LRRC4C: variants seen among roughly 807,000 people sequenced by gnomAD.
LRRC4C encodes leucine-rich repeat-containing protein 4C.
LRRC4C carries 5 observed loss-of-function variants against 33.6 expected under a neutral mutation model. That is an observed-to-expected ratio of 0.15 (90% CI 0.08 to 0.31). LRRC4C has a LOEUF of 0.31. LRRC4C is among the 10% of genes least tolerant of loss of function. The pLI is 1.00. For synonymous variants in LRRC4C, 329 were observed against 302.0 expected (o/e 1.09, Z -0.93); for missense variants, 560 against 796.7 (o/e 0.70, Z 3.58).
chr11:40,576,083 A>C (rs1958179104), intron 3 of LRRC4C, among the ~76,000 whole-genome samples: 1 of 152,230 alleles, frequency 6.6e-6, no homozygotes, highest in African/African-American at 2.4e-5. Context: ...AATGACAATG[A>C]AAATACAACC....
At position 40,114,522 on chromosome 11, in the gene LRRC4C, C is replaced by T. The variant is rs369448332; in HGVS notation, c.1771G>A (p.Glu591Lys). 154 of 1,613,950 alleles carry T rather than the reference C, an allele frequency of 9.5e-5. No homozygotes were observed. The highest frequency in any genetic ancestry group is 1.2e-4 in the Non-Finnish European group (145 of 1,180,018). The change falls in exon 7 of 7, where the codon GAG becomes AAG. Residue 591 changes from glutamate (E) to lysine (K), a missense_variant. By Grantham distance (56) the Glu-to-Lys change is moderately conservative (BLOSUM62 1). This residue lies in a region of LRRC4C where 103 missense variants were observed against 132.1 expected (regional missense o/e 0.78). Coordinates refer to ENST00000528697, the MANE Select transcript of LRRC4C (RefSeq NM_001258419.2). ...TTATAGTGATTTAGGTGCTCATGCT[C>T]GATAGCAGGCATGGGCAGGTGGCTT... is the stretch of plus-strand genomic sequence containing the variant. Reference protein sequence around the residue: ...MESHLPMPAIEHEHLNHYNSY... With the variant: ...MESHLPMPAIKHEHLNHYNSY...
chr11:41,117,329 A>G (rs1242300449), intron 1 of LRRC4C, among the ~76,000 whole-genome samples: 1 of 152,176 alleles, frequency 6.6e-6, no homozygotes, highest in Non-Finnish European at 1.5e-5. Flanking sequence ...TTACTGATAC[A>G]AATTTTAAAA....
In LRRC4C at chr11:40,414,800, A is replaced by G. The variant is rs367867707; in HGVS notation, c.-269-95079T>C. ...TAACATGCACAGACACAACCAGAAG[A>G]GGAGAAGAAGGGATCTTCTCTCCGA... On this transcript the variant is annotated intron_variant, in intron 3 of 6. Coordinates refer to ENST00000528697, the MANE Select transcript of LRRC4C (RefSeq NM_001258419.2). Among the ~76,000 whole-genome samples, 6 of 151,938 alleles carry G rather than the reference A, an allele frequency of 3.9e-5. 1 individual carries two copies. Among genetic ancestry groups the G allele is most frequent in the African/African-American group, 1.5e-4 (6 of 41,252 alleles).
intron 2 of LRRC4C, among the ~76,000 whole-genome samples, chr11:40,824,443 T>C (rs1019764820): frequency 6.6e-6 from 1 of 151,806 alleles, no homozygotes; most frequent in African/African-American, 2.4e-5. Flanking sequence ...AAATAGAGTT[T>C]CATCCATATG....
intron 2 of LRRC4C, among the ~76,000 whole-genome samples, chr11:40,732,046 T>C (rs1207392804): frequency 8.2e-6 from 1 of 121,454 alleles, no homozygotes; most frequent in Non-Finnish European, 1.8e-5. Flanking sequence ...AGTAGTAATA[T>C]GCAAAAAAAA....
At chr11:40,556,095 C>T (rs1251170934) in intron 3 of LRRC4C, among the ~76,000 whole-genome samples, 2 of 152,216 alleles carry the variant, frequency 1.3e-5, no homozygotes, top group East Asian at 1.9e-4. Flanking sequence ...GATTTATCAT[C>T]TCCATAATAA....
intron 3 of LRRC4C, among the ~76,000 whole-genome samples, chr11:40,496,401 TC>T (rs1291040696): frequency 2.0e-5 from 3 of 152,222 alleles, no homozygotes; most frequent in African/African-American, 7.2e-5. Flanking sequence ...ATTACCACAA[TC>T]AAACCAATTA....
chr11:40,230,408 T>G (rs530923418), intron 5 of LRRC4C, among the ~76,000 whole-genome samples: 1 of 152,210 alleles, frequency 6.6e-6, no homozygotes, highest in African/African-American at 2.4e-5. Flanking sequence ...CATGCACATG[T>G]TTACCCAAGA....
intron 1 of LRRC4C, among the ~76,000 whole-genome samples, chr11:41,421,235 A>T (rs1232731004): frequency 6.6e-6 from 1 of 152,030 alleles, no homozygotes; most frequent in Non-Finnish European, 1.5e-5. Context: ...TGACATCCAG[A>T]TAGAAAATCC....
chr11:40,736,695 T>C (rs930963978), intron 2 of LRRC4C, among the ~76,000 whole-genome samples: 3 of 152,176 alleles, frequency 2.0e-5, no homozygotes, highest in African/African-American at 7.2e-5. Context: ...GACTTTTTAA[T>C]GGTCATCATT....
chr11:41,034,492 C>CAT (rs1856926403), intron 1 of LRRC4C, among the ~76,000 whole-genome samples: 1 of 144,312 alleles, frequency 6.9e-6, no homozygotes, highest in Admixed American at 7.0e-5. Context: ...TATATATACA[C>CAT]ATATATATAC....
At chr11:40,701,854 G>T (rs928351543) in intron 2 of LRRC4C, among the ~76,000 whole-genome samples, 50 of 151,828 alleles carry the variant, frequency 3.3e-4, no homozygotes, top group African/African-American at 1.1e-3. Context: ...TAAGAAAAAT[G>T]TTTCTAGTTT....
chr11:41,295,896 G>A (rs1381643260), intron 1 of LRRC4C, among the ~76,000 whole-genome samples: 1 of 152,196 alleles, frequency 6.6e-6, no homozygotes, highest in Non-Finnish European at 1.5e-5. Flanking sequence ...CTGCTCAAGT[G>A]GCTTGCCACA....
chr11:41,043,119 G>A (rs241931), intron 1 of LRRC4C, among the ~76,000 whole-genome samples: 1 of 121,600 alleles, frequency 8.2e-6, no homozygotes, highest in Non-Finnish European at 1.6e-5. Flanking sequence ...ATTGAATTCA[G>A]AGTATTTGAT....
At chr11:41,163,282 C>CTTTTTTT (rs1207086558) in intron 1 of LRRC4C, among the ~76,000 whole-genome samples, 22 of 18,514 alleles carry the variant, frequency 1.2e-3, no homozygotes, top group East Asian at 9.4e-3. Context: ...TTTACTGTAA[C>CTTTTTTT]TGTTTTTTTT....
At chr11:41,029,161 C>A (rs142955355) in intron 1 of LRRC4C, among the ~76,000 whole-genome samples, 2 of 151,690 alleles carry the variant, frequency 1.3e-5, no homozygotes, top group Non-Finnish European at 2.9e-5. Flanking sequence ...GACTACATTA[C>A]GATTGAATAG....
rs755677412 is a variant in LRRC4C at position 41,144,066 on chromosome 11, C to T, written c.-495-210343G>A. ...TCACTATTTCTAAACCAAAGGATGGCCAGGGACATTTTTGCTCTATCACCT... is the reference window on the plus strand; with the variant it reads ...TCACTATTTCTAAACCAAAGGATGGTCAGGGACATTTTTGCTCTATCACCT... On this transcript the variant is annotated intron_variant, in intron 1 of 6. Transcript: ENST00000528697. Among the ~76,000 whole-genome samples, 3 of 152,116 alleles carry T rather than the reference C, an allele frequency of 2.0e-5. No individual in the cohort carries two copies. The East Asian group carries it at 5.8e-4, about 29-fold the overall frequency.
At chr11:41,321,766 T>C (rs757180684) in intron 1 of LRRC4C, among the ~76,000 whole-genome samples, 46 of 152,280 alleles carry the variant, frequency 3.0e-4, no homozygotes, top group Non-Finnish European at 5.9e-4. Context: ...AATAACCAGC[T>C]ATTCCCAGTT....
intron 3 of LRRC4C, among the ~76,000 whole-genome samples, chr11:40,524,733 A>G (rs980678305): frequency 3.9e-5 from 6 of 152,170 alleles, no homozygotes; most frequent in African/African-American, 7.2e-5. Context: ...TGTTCATTCA[A>G]AATGTCTTTA....
Sources: gnomAD v4.1 joint callset for allele counts (sites outside exome capture counted in the v4.1 genomes callset) on GRCh38, gnomAD v4.1.1 for gene constraint, gnomAD v4.1.1 regional missense constraint, MANE v1.5 for transcripts, NCBI Gene and HGNC (gene_info 2026-07-23, HGNC 2026-07-21) for gene names.